Variants in PRIM2 observed in about 807,000 individuals in gnomAD.
The protein encoded by PRIM2 is DNA primase subunit 2, also known as DNA primase large subunit.
Under a neutral mutation model 67.3 loss-of-function variants are expected in PRIM2, and 39 were observed. The ratio of observed to expected loss-of-function variants is 0.58; its 90% CI spans 0.45 to 0.76. The LOEUF is 0.76. PRIM2 is among the 30% of genes least tolerant of loss of function. PRIM2 has a pLI of 0.00. For synonymous variants in PRIM2, 143 were observed against 198.7 expected (o/e 0.72, Z 2.36); for missense variants, 398 against 598.7 (o/e 0.66, Z 3.50).
the PRIM2 span, among the ~76,000 whole-genome samples, chr6:57,294,634 TATAAC>T: frequency 6.6e-6 from 1 of 151,284 alleles, no homozygotes; most frequent in Admixed American, 6.6e-5. Context: ...TATATACATA[TATAAC>T]ATATGTGTAT....
At chr6:57,294,649 T>A in the PRIM2 span, among the ~76,000 whole-genome samples, 2 of 151,436 alleles carry the variant, frequency 1.3e-5, no homozygotes, top group African/African-American at 2.4e-5. Context: ...CATATGTGTA[T>A]GTATATTTAT....
At chr6:57,317,605 GC>G (rs1767518833), upstream of PRIM2, 1 of 152,840 alleles carries the variant, frequency 6.5e-6, no homozygotes, top group African/African-American at 2.4e-5. Context: ...GGCCTTCTGT[GC>G]TAGTCACTTC....
intron 7 of PRIM2, among the ~76,000 whole-genome samples, chr6:57,413,950 G>C (rs1160640739): frequency 6.6e-6 from 1 of 152,104 alleles, no homozygotes; most frequent in Non-Finnish European, 1.5e-5. Flanking sequence ...TAAAATTTAA[G>C]TGTTAGACAA....
intron 13 of PRIM2, among the ~76,000 whole-genome samples, chr6:57,641,731 A>T (rs1174968302): frequency 6.6e-6 from 1 of 152,222 alleles, no homozygotes; most frequent in Non-Finnish European, 1.5e-5. Context: ...GTCAGGAAAC[A>T]ACAGATGCTG....
At chr6:57,506,514 A>G (rs1774254389) in intron 7 of PRIM2, among the ~76,000 whole-genome samples, 1 of 152,078 alleles carries the variant, frequency 6.6e-6, no homozygotes, top group Non-Finnish European at 1.5e-5. Flanking sequence ...GTGAATTGTT[A>G]AATGATTGAT....
chr6:57,366,106 T>C (rs1769350134), intron 5 of PRIM2, among the ~76,000 whole-genome samples: 1 of 152,060 alleles, frequency 6.6e-6, no homozygotes, highest in Non-Finnish European at 1.5e-5. Context: ...CAGACAGGTA[T>C]GTACCAGCAT....
intron 7 of PRIM2, among the ~76,000 whole-genome samples, chr6:57,449,622 A>T (rs1185986305): frequency 5.9e-5 from 9 of 152,190 alleles, no homozygotes; most frequent in African/African-American, 2.2e-4. Context: ...TGTATGAATA[A>T]ATAAATCATT....
chr6:57,258,581 C>A, the PRIM2 span, among the ~76,000 whole-genome samples: 2 of 133,818 alleles, frequency 1.5e-5, no homozygotes, highest in African/African-American at 5.7e-5. Context: ...CCAGCCCCCA[C>A]CCCAACCCAC....
At chr6:57,324,686 G>T (rs4715654) in intron 4 of PRIM2, among the ~76,000 whole-genome samples, 108,092 of 152,038 alleles carry the variant, frequency 0.71, 38,833 homozygotes, top group African/African-American at 0.83. Flanking sequence ...CAGTTAAATC[G>T]AAGATATTTT....
intron 13 of PRIM2, among the ~76,000 whole-genome samples, chr6:57,639,629 T>G: frequency 4.0e-5 from 1 of 25,290 alleles, no homozygotes; most frequent in Non-Finnish European, 7.9e-5. Context: ...AACTAGAAAG[T>G]TTAGAAGAAA....
the PRIM2 span, among the ~76,000 whole-genome samples, chr6:57,287,328 A>T: frequency 2.0e-5 from 3 of 152,238 alleles, no homozygotes; most frequent in Non-Finnish European, 4.4e-5. Context: ...TTGTAGCACT[A>T]TTTACAATAA....
At chr6:57,543,919 C>T (rs1352351969) in intron 10 of PRIM2, among the ~76,000 whole-genome samples, 2 of 152,092 alleles carry the variant, frequency 1.3e-5, no homozygotes, top group African/African-American at 4.8e-5. Context: ...TAAGGTTAAG[C>T]AGTTTTTGTG....
chr6:57,251,811 G>A, the PRIM2 span, among the ~76,000 whole-genome samples: 8 of 152,032 alleles, frequency 5.3e-5, no homozygotes, highest in African/African-American at 1.7e-4. Flanking sequence ...GCATATTTCC[G>A]CTTTCTTAGG....
intron 5 of PRIM2, among the ~76,000 whole-genome samples, chr6:57,356,369 A>G (rs1043994556): frequency 6.6e-6 from 1 of 152,184 alleles, no homozygotes; most frequent in Non-Finnish European, 1.5e-5. Flanking sequence ...ACAAATATTA[A>G]CTATTATTTA....
chr6:57,512,392 G>A (rs1434440507), intron 8 of PRIM2, among the ~76,000 whole-genome samples: 3 of 152,052 alleles, frequency 2.0e-5, no homozygotes, highest in Non-Finnish European at 4.4e-5. Context: ...AATTGAAGGG[G>A]CAATGTTTTA....
chr6:57,316,868 T>G (rs1215715307), upstream of PRIM2, among the ~76,000 whole-genome samples: 1 of 152,228 alleles, frequency 6.6e-6, no homozygotes, highest in East Asian at 1.9e-4. Context: ...GAGGCTGGGT[T>G]CTTCTAATTC....
chr6:57,642,433 A>ACCTTTTTTTTTTT (rs1444848326), intron 13 of PRIM2, among the ~76,000 whole-genome samples: 7 of 107,052 alleles, frequency 6.5e-5, no homozygotes, highest in Non-Finnish European at 1.1e-4. Flanking sequence ...TAAATATTAT[A>ACCTTTTTTTTTTT]TCTTTTTTTT....
the PRIM2 span, among the ~76,000 whole-genome samples, chr6:57,234,589 T>C: frequency 6.6e-6 from 1 of 151,924 alleles, no homozygotes; most frequent in African/African-American, 2.4e-5. Context: ...AGTGGCGCAA[T>C]CTTGGCTCAC....
intron 7 of PRIM2, among the ~76,000 whole-genome samples, chr6:57,408,135 G>C (rs1409328901): frequency 6.6e-6 from 1 of 152,214 alleles, no homozygotes; most frequent in Non-Finnish European, 1.5e-5. Flanking sequence ...CAATCATTGT[G>C]ATATGGCTTC....
Sources: allele counts gnomAD v4.1 joint callset (sites outside exome capture counted in the v4.1 genomes callset), GRCh38; gene constraint gnomAD v4.1.1; transcripts MANE v1.5; gene names NCBI Gene and HGNC (gene_info 2026-07-23, HGNC 2026-07-21).